The following DENND5B variants were observed in gnomAD, a reference collection of about 807,000 sequenced individuals.
DENND5B encodes the protein DENN domain-containing protein 5B.
Under a neutral mutation model 140.6 loss-of-function variants are expected in DENND5B, and 34 were observed. The ratio of observed to expected loss-of-function variants is 0.24; its 90% confidence interval spans 0.18 to 0.32. The LOEUF (loss-of-function observed/expected upper bound fraction) is 0.32, where lower values mean the gene tolerates loss of function less well. DENND5B is among the 10% of genes least tolerant of loss of function. The pLI, the probability that DENND5B is intolerant of heterozygous loss-of-function variation, is 1.00. For synonymous variants in DENND5B, 551 were observed against 562.1 expected (o/e 0.98, Z 0.28); for missense variants, 1,142 against 1,560.2 (o/e 0.73, Z 4.52).
intron 17 of DENND5B, among the ~76,000 whole-genome samples, chr12:31,397,545 C>A (rs1941541174): frequency 2.9e-4 from 1 of 3,438 alleles, no homozygotes; most frequent in Non-Finnish European, 2.6e-3. Context: ...GAGATTCCAT[C>A]TCACAAAAAA....
At chr12:31,447,475 G>C in intron 6 of DENND5B, 63 bp downstream of exon 6, 3 of 1,425,528 alleles carry the variant, frequency 2.1e-6, no homozygotes, top group East Asian at 2.4e-5. Flanking sequence ...CGTAAGGCCA[G>C]CAATTTGTGG....
At chr12:31,437,385 C>T (rs991485537) in intron 7 of DENND5B, among the ~76,000 whole-genome samples, 10 of 152,128 alleles carry the variant, frequency 6.6e-5, no homozygotes, top group South Asian at 4.1e-4. Context: ...CCTCTGGCCT[C>T]GGCCTCCCAA....
intron 2 of DENND5B, among the ~76,000 whole-genome samples, chr12:31,480,728 T>C (rs1946037569): frequency 6.6e-6 from 1 of 152,158 alleles, no homozygotes; most frequent in African/African-American, 2.4e-5. Flanking sequence ...AAAAGGCTCA[T>C]TTAGGAAGTG....
chr12:31,487,428 T>G (rs1036105517), intron 2 of DENND5B, among the ~76,000 whole-genome samples: 2 of 152,192 alleles, frequency 1.3e-5, no homozygotes, highest in African/African-American at 4.8e-5. Flanking sequence ...CTGGGTGTAG[T>G]GGCTCACACC....
At chr12:31,399,177 G>T (rs975552530) in intron 16 of DENND5B, among the ~76,000 whole-genome samples, 2 of 149,548 alleles carry the variant, frequency 1.3e-5, no homozygotes, top group Non-Finnish European at 3.0e-5. Flanking sequence ...GTTTTTTGGG[G>T]GGCAATTTTG....
chr12:31,552,977 C>T (rs963381619), intron 1 of DENND5B, among the ~76,000 whole-genome samples: 5 of 152,022 alleles, frequency 3.3e-5, no homozygotes, highest in Admixed American at 2.6e-4. Flanking sequence ...GTCTTGCTAG[C>T]GGTCTGTCAA....
chr12:31,462,026 T>A (rs1451248746), intron 3 of DENND5B, among the ~76,000 whole-genome samples: 3 of 152,196 alleles, frequency 2.0e-5, no homozygotes, highest in African/African-American at 7.2e-5. Context: ...CAGCCCAAGT[T>A]TACTTAAAAT....
chr12:31,516,262 G>A (rs1228219769), intron 1 of DENND5B, among the ~76,000 whole-genome samples: 1 of 151,980 alleles, frequency 6.6e-6, no homozygotes, highest in Non-Finnish European at 1.5e-5. Context: ...GATCACTTGA[G>A]CCCACGAGTT....
intron 1 of DENND5B, among the ~76,000 whole-genome samples, chr12:31,527,311 C>G (rs1223781387): frequency 2.0e-5 from 3 of 152,220 alleles, no homozygotes; most frequent in African/African-American, 7.2e-5. Flanking sequence ...GATCATAAGA[C>G]AGGAGCATGC....
At chr12:31,437,637 T>A (rs1358920733) in intron 7 of DENND5B, among the ~76,000 whole-genome samples, 3 of 152,166 alleles carry the variant, frequency 2.0e-5, no homozygotes. Flanking sequence ...TACTTTTTCC[T>A]AAAAGCCTTT....
intron 1 of DENND5B, among the ~76,000 whole-genome samples, chr12:31,555,652 G>A (rs894183502): frequency 1.3e-5 from 2 of 152,230 alleles, no homozygotes; most frequent in Admixed American, 1.3e-4. Flanking sequence ...CCCAGAGGTG[G>A]CGCCTACAGA....
intron 19 of DENND5B, among the ~76,000 whole-genome samples, chr12:31,390,025 G>T (rs1447346362): frequency 6.6e-6 from 1 of 152,032 alleles, no homozygotes; most frequent in Non-Finnish European, 1.5e-5. Context: ...ACTCCTGGGG[G>T]CCTATCTCTG....
At chr12:31,394,272 T>C (rs1462217373) in intron 17 of DENND5B, among the ~76,000 whole-genome samples, 2 of 139,128 alleles carry the variant, frequency 1.4e-5, no homozygotes, top group East Asian at 4.6e-4. Context: ...AATACCATTT[T>C]ACATATAACA....
In DENND5B at chr12:31,404,829, G is replaced by A. The variant is rs539476194; in HGVS notation, c.2804-2186C>T. ...GGCTGGAGTGCAATGGCATGATCTC[G>A]GCTCACTGCAACCTCTGCCTCCCGG... On this transcript the variant is annotated intron_variant, in intron 14 of 20. Transcript: ENST00000389082. Among the ~76,000 whole-genome samples the A allele has an allele frequency of 4.5e-5, 6 of 131,924 alleles. 1 individual carries two copies. Among genetic ancestry groups the A allele is most frequent in the African/African-American group, 1.7e-4 (6 of 34,442 alleles). 86.5% of individuals were successfully genotyped at this position (131,924 alleles called of 152,430 possible).
At chr12:31,521,520 G>C (rs913183308) in intron 1 of DENND5B, among the ~76,000 whole-genome samples, 1 of 152,036 alleles carries the variant, frequency 6.6e-6, no homozygotes, top group Non-Finnish European at 1.5e-5. Flanking sequence ...TGAGAAAATT[G>C]CTGATTGTAT....
intron 3 of DENND5B, among the ~76,000 whole-genome samples, chr12:31,476,088 T>C (rs1223302424): frequency 6.6e-6 from 1 of 151,530 alleles, no homozygotes; most frequent in African/African-American, 2.4e-5. Context: ...ATTGCGCCAC[T>C]GCACTCCAGC....
intron 1 of DENND5B, among the ~76,000 whole-genome samples, chr12:31,545,691 C>T (rs554670838): frequency 9.9e-5 from 15 of 152,144 alleles, no homozygotes; most frequent in Admixed American, 7.2e-4. Context: ...CGGTGGCTCA[C>T]ACCTGTAATC....
At chr12:31,511,441 G>A (rs1028869196) in intron 1 of DENND5B, among the ~76,000 whole-genome samples, 1 of 151,850 alleles carries the variant, frequency 6.6e-6, no homozygotes, top group Non-Finnish European at 1.5e-5. Flanking sequence ...AATATTAATT[G>A]ATGTGTTAAA....
intron 1 of DENND5B, among the ~76,000 whole-genome samples, chr12:31,578,256 A>G (rs1303755244): frequency 2.0e-5 from 3 of 152,174 alleles, no homozygotes; most frequent in African/African-American, 7.2e-5. Flanking sequence ...TACTCTTTCC[A>G]AAACACTGTC....
Sources: gnomAD v4.1 joint callset for allele counts (sites outside exome capture counted in the v4.1 genomes callset) on GRCh38, gnomAD v4.1.1 for gene constraint, MANE v1.5 for transcripts, NCBI Gene and HGNC (gene_info 2026-07-23, HGNC 2026-07-21) for gene names.